DBF4B: variants seen among roughly 807,000 people sequenced by gnomAD.
The protein encoded by DBF4B is DBF4B-CDC7 kinase regulatory subunit.
DBF4B carries 49 observed loss-of-function variants against 53.4 expected under a neutral mutation model. The observed-to-expected ratio is 0.92, with a 90% confidence interval of 0.73 to 1.16. DBF4B has a LOEUF of 1.16. Among genes scored for constraint, DBF4B ranks in the 50% most tolerant of loss-of-function variants. DBF4B has a pLI of 0.00. For synonymous variants in DBF4B, 257 were observed against 288.7 expected, an observed-to-expected ratio of 0.89 and a Z score of 1.11; for missense variants, 692 against 775.0, an observed-to-expected ratio of 0.89 and a Z score of 1.27.
chr17:44,746,064 A>T (rs1273084812), intron 10 of DBF4B, among the ~76,000 whole-genome samples: 1 of 150,438 alleles, frequency 6.6e-6, no homozygotes, highest in Non-Finnish European at 1.5e-5. Flanking sequence ...AAAAAAAAAA[A>T]AAAAAAAAAG....
At chr17:44,713,213 G>GT (rs1973049304) in intron 2 of DBF4B, among the ~76,000 whole-genome samples, 3 of 147,964 alleles carry the variant, frequency 2.0e-5, no homozygotes, top group African/African-American at 7.4e-5. Flanking sequence ...CTAATTTTTT[G>GT]GTTTTTTTTA....
intron 7 of DBF4B, among the ~76,000 whole-genome samples, chr17:44,735,305 C>G (rs1274484291): frequency 6.6e-6 from 1 of 152,216 alleles, no homozygotes; most frequent in African/African-American, 2.4e-5. Flanking sequence ...TTCTAGGACT[C>G]TATGCACATA....
rs909984345 is a variant in DBF4B at position 44,749,481 on chromosome 17, C to T, written c.1189+1016C>T. The T allele has an allele frequency of 2.1e-5, 27 of 1,285,042 alleles. No individual in the cohort carries two copies. The Admixed American group carries it at 6.0e-4, about 29-fold the overall frequency. 79.6% of individuals were successfully genotyped at this position (1,285,042 alleles called of 1,614,324 possible). On this transcript the variant is annotated intron_variant, in intron 13 of 13. Coordinates refer to ENST00000315005, the MANE Select transcript of DBF4B (RefSeq NM_145663.3). The surrounding 1 kb of genome is among the most constrained non-coding windows in gnomAD (Gnocchi z 4.4). ...AAAAGAGCTAGAAGGAGGCCCGGGC[C>T]TGGCCTTTGAAGTCCAGCAAGCAGC... is the stretch of plus-strand genomic sequence containing the variant.
rs1182184274 is a variant in DBF4B, at chr17:44,752,050, G to T, written c.*797G>T. ...CAGGCCTTTGTTCTTGCCTCTTCTC[G>T]CTGAGCCTTTCACTTCTCGGCAGAT... is the stretch of plus-strand genomic sequence containing the variant. On this transcript the variant is annotated 3_prime_UTR_variant, in exon 14 of 14. Transcript: ENST00000315005. 2 of 1,455,230 alleles carry T rather than the reference G, an allele frequency of 1.4e-6. No homozygotes were observed. The highest frequency in any genetic ancestry group is 1.9e-6 in the Non-Finnish European group (2 of 1,073,774). 90.1% of individuals were successfully genotyped at this position (1,455,230 alleles called of 1,614,324 possible). A position where few individuals can be genotyped will look rare whatever the true frequency, so the allele number is the denominator to read the frequency against.
In DBF4B at chr17:44,734,149, C is replaced by G; in HGVS notation, c.616C>G (p.Pro206Ala). Residue 206 changes from proline (P) to alanine (A), a missense_variant, in exon 7 of 14, where the codon CCA becomes GCA. Coordinates refer to ENST00000315005, the MANE Select transcript of DBF4B (RefSeq NM_145663.3). ...GTCTTTATGTGTGAAAAAACAACAG[C>G]CAAAGAAGCCAGAGGTAGGTCATCC... ...LASLCVKKQQPKKPEGTCPAA... is the reference protein window; with the variant it reads ...LASLCVKKQQAKKPEGTCPAA... 1 of 1,614,144 alleles carries G rather than the reference C, an allele frequency of 6.2e-7. No homozygotes were observed. Among genetic ancestry groups the G allele is most frequent in the Non-Finnish European group, 8.5e-7 (1 of 1,180,022 alleles).
chr17:44,728,547 G>A (rs757536092), intron 3 of DBF4B, among the ~76,000 whole-genome samples: 4 of 152,176 alleles, frequency 2.6e-5, no homozygotes, highest in Admixed American at 1.3e-4. Flanking sequence ...AGCCAGGCAC[G>A]GTGGCTCACA....
chr17:44,751,012 G>A lies in DBF4B; in HGVS notation c.1607G>A (p.Cys536Tyr). 6.2e-7 allele frequency: 1 copy of A among 1,614,042 alleles called. No homozygotes were observed. The highest frequency in any genetic ancestry group is 8.5e-7 in the Non-Finnish European group (1 of 1,180,006). Reference sequence around the variant, plus strand: ...CCTCTGCATGAGGAAGTTTCCCCTTGCCCCTGTCTCAGACTTGGATACCTT... The same window carrying A: ...CCTCTGCATGAGGAAGTTTCCCCTTACCCCTGTCTCAGACTTGGATACCTT... ...TTPLHEEVSP[C>Y]PCLRLGYLYL... The change falls in exon 14 of 14, where the codon TGC (cysteine) becomes TAC (tyrosine). Residue 536 changes from cysteine to tyrosine, a missense_variant. Transcript: ENST00000315005.
intron 2 of DBF4B, among the ~76,000 whole-genome samples, chr17:44,710,201 C>T (rs1301529958): frequency 6.6e-6 from 1 of 152,090 alleles, no homozygotes; most frequent in Non-Finnish European, 1.5e-5. Context: ...ATACCGTCTA[C>T]TTTTACTTCT....
intron 3 of DBF4B, among the ~76,000 whole-genome samples, chr17:44,723,534 A>T (rs1305097817): frequency 6.6e-6 from 1 of 152,038 alleles, no homozygotes; most frequent in Non-Finnish European, 1.5e-5. Flanking sequence ...CAGGTGGATT[A>T]CTTGACGTCA....
chr17:44,750,933 G>C lies in DBF4B; in HGVS notation c.1528G>C (p.Val510Leu). The C allele has an allele frequency of 6.2e-7, 1 of 1,614,136 alleles. No homozygotes were observed. Among genetic ancestry groups the C allele is most frequent in the Non-Finnish European group, 8.5e-7 (1 of 1,180,026 alleles). Reference sequence around the variant, plus strand: ...GTGGCTTATGTCTGCACGCTGCTGGGTTCGTCCCTTTCCTTTTGTGACATG... The same window carrying C: ...GTGGCTTATGTCTGCACGCTGCTGGCTTCGTCCCTTTCCTTTTGTGACATG... Reference protein sequence around the residue: ...RPWLMSARCWVRPFPFVTWGC... With the variant: ...RPWLMSARCWLRPFPFVTWGC... Residue 510 changes from valine (V) to leucine (L), a missense_variant, in exon 14 of 14, where the codon GTT becomes CTT. Physicochemically the swap from Val to Leu is conservative, Grantham distance 32. Transcript: ENST00000315005.
chr17:44,735,240 C>T (rs965204160), intron 7 of DBF4B, among the ~76,000 whole-genome samples: 1 of 152,182 alleles, frequency 6.6e-6, no homozygotes, highest in Non-Finnish European at 1.5e-5. Flanking sequence ...AAAATTCTCG[C>T]CCTGCTCCAG....
At chr17:44,739,483 G>A (rs1975777378) in intron 9 of DBF4B, among the ~76,000 whole-genome samples, 1 of 152,172 alleles carries the variant, frequency 6.6e-6, no homozygotes, top group Non-Finnish European at 1.5e-5. Context: ...AGACAGTGCT[G>A]CGCTGGCTTT....
At chr17:44,740,915 C>T (rs1975944238) in intron 9 of DBF4B, among the ~76,000 whole-genome samples, 1 of 152,008 alleles carries the variant, frequency 6.6e-6, no homozygotes. Flanking sequence ...GTGGGCAGAT[C>T]ACAAGGTCAG....
Position 44,751,701 on chromosome 17 carries a change from T to G in DBF4B, c.*448T>G, listed in dbSNP as rs1386879897. Reference sequence around the variant, plus strand: ...CTTCCTGCGGTCTATACCTACCGCCTCCTCTTCACCTCCTTCCCTTCCACA... The same window carrying G: ...CTTCCTGCGGTCTATACCTACCGCCGCCTCTTCACCTCCTTCCCTTCCACA... On this transcript the variant is annotated 3_prime_UTR_variant, in exon 14 of 14. Coordinates refer to ENST00000315005, the MANE Select transcript of DBF4B (RefSeq NM_145663.3). 4.2e-6 allele frequency: 6 copies of G among 1,430,710 alleles called. 1 individual carries two copies. The Admixed American group carries it at 8.1e-5, about 19-fold the overall frequency. 88.6% of individuals were successfully genotyped at this position (1,430,710 alleles called of 1,614,324 possible).
At chr17:44,727,810 T>A (rs1269705550) in intron 3 of DBF4B, among the ~76,000 whole-genome samples, 1 of 151,814 alleles carries the variant, frequency 6.6e-6, no homozygotes, top group African/African-American at 2.4e-5. Context: ...CGATTCTCCT[T>A]CCTCAGCCTC....
intron 9 of DBF4B, 63 bp downstream of exon 9, chr17:44,738,487 G>A: frequency 6.5e-7 from 1 of 1,528,220 alleles, no homozygotes; most frequent in Non-Finnish European, 8.9e-7. Flanking sequence ...GGAGGAGGGA[G>A]GGGTGCTCAG....
intron 12 of DBF4B, 136 bp from the exon 13 acceptor site, chr17:44,748,205 C>G: frequency 8.3e-7 from 1 of 1,206,090 alleles, no homozygotes; most frequent in Non-Finnish European, 1.2e-6. Context: ...GGAGGACTTT[C>G]ACACAGGGCC....
chr17:44,748,798 G>T (rs575320707), intron 13 of DBF4B: 2 of 1,304,072 alleles, frequency 1.5e-6, no homozygotes, highest in Non-Finnish European at 1.0e-6. Flanking sequence ...CAACCCCTGC[G>T]GCACCAGGAC....
At chr17:44,728,019 A>G (rs544645247) in intron 3 of DBF4B, among the ~76,000 whole-genome samples, 4 of 151,984 alleles carry the variant, frequency 2.6e-5, no homozygotes, top group African/African-American at 7.2e-5. Flanking sequence ...CACCTGGCCA[A>G]AACAACAATT....
Sources: allele counts gnomAD v4.1 joint callset (sites outside exome capture counted in the v4.1 genomes callset), GRCh38; gene constraint gnomAD v4.1.1; non-coding constraint Gnocchi (gnomAD v3.1); transcripts MANE v1.5; gene names NCBI Gene and HGNC (gene_info 2026-07-23, HGNC 2026-07-21).